The following EYA1 variants were observed in gnomAD, a reference collection of about 807,000 sequenced individuals.
EYA1 encodes protein phosphatase EYA1.
In EYA1, 16 loss-of-function variants were observed where a neutral mutation model predicts 82.0. The observed-to-expected ratio is 0.20, with a 90% confidence interval of 0.13 to 0.30. The LOEUF is 0.30. Ranked by LOEUF, EYA1 falls within the 10% of genes least tolerant of loss-of-function variation. The probability of loss-of-function intolerance (pLI) is 1.00; values close to 1 mark genes in which losing one functional copy is unlikely to be tolerated. For missense variants in EYA1, 633 were observed against 730.7 expected, an observed-to-expected ratio of 0.87 and a Z score of 1.54; for synonymous variants, 261 against 264.4, an observed-to-expected ratio of 0.99 and a Z score of 0.12.
chr8:71,537,789 T>C (rs1216350104), intron 1 of EYA1, among the ~76,000 whole-genome samples: 5 of 152,208 alleles, frequency 3.3e-5, no homozygotes, highest in Non-Finnish European at 7.3e-5. Flanking sequence ...TATTTCCATA[T>C]TGAACTTACT....
At chr8:71,525,184 C>T (rs966374405) in intron 2 of EYA1, among the ~76,000 whole-genome samples, 1 of 152,164 alleles carries the variant, frequency 6.6e-6, no homozygotes, top group Non-Finnish European at 1.5e-5. Flanking sequence ...AGCGTTCCAT[C>T]GCCTGACAAA....
chr8:71,415,428 T>C (rs761618634), intron 2 of EYA1, among the ~76,000 whole-genome samples: 2 of 152,136 alleles, frequency 1.3e-5, no homozygotes, highest in Non-Finnish European at 2.9e-5. Context: ...GTTCCCACTT[T>C]TAGGGATGAG....
chr8:71,499,248 T>C (rs1445392733), intron 2 of EYA1, among the ~76,000 whole-genome samples: 1 of 152,202 alleles, frequency 6.6e-6, no homozygotes, highest in Non-Finnish European at 1.5e-5. Flanking sequence ...GTTGGTCCTT[T>C]CTTTGTGATG....
rs1424378022 is a variant in EYA1 at position 71,334,163 on chromosome 8, GCT to G, written c.134_135del (p.Glu45AlafsTer6). ...MTPNGTEVKTEPMSSSETAST... is the reference protein window; with the variant it reads ...MTPNGTEVKTXPMSSSETAST... ...GAAGCTGTTTCACTGCTGCTCATTG[GCT>G]CTGTTTTAACTACAAAAATAAACAA... On this transcript the variant is annotated frameshift_variant, in exon 4 of 18. Transcript: ENST00000340726. LOFTEE classifies it high-confidence loss of function. 1 of 1,612,330 alleles carries G rather than the reference GCT, an allele frequency of 6.2e-7. No individual in the cohort carries two copies. Among genetic ancestry groups the G allele is most frequent in the African/African-American group, 1.3e-5 (1 of 74,838 alleles).
At chr8:71,322,066 C>T in intron 5 of EYA1, 133 bp downstream of exon 5, 1 of 1,091,130 alleles carries the variant, frequency 9.2e-7, no homozygotes, top group Non-Finnish European at 1.4e-6. Flanking sequence ...AAATTTGTAT[C>T]AATATGTTTA....
intron 6 of EYA1, 98 bp from the exon 7 acceptor site, chr8:71,317,787 TC>T (rs1405494576): frequency 1.3e-5 from 15 of 1,135,396 alleles, no homozygotes; most frequent in Non-Finnish European, 2.0e-5. Flanking sequence ...TACAAATGCT[TC>T]CCCAATCTTA....
At chr8:71,307,552 T>C (rs1820863686) in intron 7 of EYA1, among the ~76,000 whole-genome samples, 1 of 152,332 alleles carries the variant, frequency 6.6e-6, no homozygotes, top group African/African-American at 2.4e-5. Flanking sequence ...ATTTAAATTA[T>C]ATAAAGAAAG....
rs528139078 is a variant in EYA1, at chr8:71,372,879, A to T, written c.34-16368T>A. Among the ~76,000 whole-genome samples, 10 of 152,254 alleles carry T rather than the reference A, an allele frequency of 6.6e-5. No individual in the cohort carries two copies. In the East Asian group the frequency reaches 1.9e-3, roughly 29 times the overall value. ...CCACATTAACAGAATGACATTTCAAAAGCACTGATCACCTCAACAGGTGCA... is the reference window on the plus strand; with the variant it reads ...CCACATTAACAGAATGACATTTCAATAGCACTGATCACCTCAACAGGTGCA... On this transcript the variant is annotated intron_variant, in intron 2 of 18. Transcript: ENST00000643681.
chr8:71,545,242 C>T (rs1213909615), intron 1 of EYA1, among the ~76,000 whole-genome samples: 1 of 152,232 alleles, frequency 6.6e-6, no homozygotes, highest in African/African-American at 2.4e-5. Context: ...GCACCCTACA[C>T]ATAGTACATG....
intron 2 of EYA1, among the ~76,000 whole-genome samples, chr8:71,409,005 G>T (rs1417843367): frequency 4.1e-5 from 5 of 122,308 alleles, no homozygotes; most frequent in Admixed American, 8.4e-5. Flanking sequence ...TAAAAGAACA[G>T]AAATTATAAC....
intron 2 of EYA1, among the ~76,000 whole-genome samples, chr8:71,401,136 G>A (rs1422230710): frequency 1.3e-5 from 2 of 152,148 alleles, no homozygotes; most frequent in African/African-American, 2.4e-5. Flanking sequence ...GGCTTCTCAG[G>A]AGGGTGGTGG....
intron 2 of EYA1, among the ~76,000 whole-genome samples, chr8:71,447,855 T>C (rs1343862111): frequency 6.6e-6 from 1 of 152,188 alleles, no homozygotes; most frequent in African/African-American, 2.4e-5. Flanking sequence ...GCCCCAATGT[T>C]GATGGCTACT....
intron 7 of EYA1, among the ~76,000 whole-genome samples, chr8:71,315,436 T>C (rs2129020847): frequency 6.6e-6 from 1 of 152,310 alleles, no homozygotes; most frequent in Admixed American, 6.5e-5. Context: ...CTTGCCTCTT[T>C]CCCACTTTTA....
chr8:71,508,917 T>C (rs1013872478), intron 2 of EYA1, among the ~76,000 whole-genome samples: 1 of 152,184 alleles, frequency 6.6e-6, no homozygotes, highest in African/African-American at 2.4e-5. Flanking sequence ...TATATTTTTA[T>C]CATAAAAATA....
intron 2 of EYA1, among the ~76,000 whole-genome samples, chr8:71,382,172 G>C (rs1265526211): frequency 6.6e-6 from 1 of 151,984 alleles, no homozygotes; most frequent in Non-Finnish European, 1.5e-5. Flanking sequence ...TTTATAAAGG[G>C]ATCTTATAAT....
At chr8:71,227,758 T>C (rs1479630984) in intron 12 of EYA1, among the ~76,000 whole-genome samples, 1 of 152,246 alleles carries the variant, frequency 6.6e-6, no homozygotes, top group Non-Finnish European at 1.5e-5. Context: ...TACATGTCTA[T>C]AGATTCATCT....
intron 3 of EYA1, among the ~76,000 whole-genome samples, chr8:71,354,174 T>C (rs1826605909): frequency 6.6e-6 from 1 of 152,134 alleles, no homozygotes; most frequent in South Asian, 2.1e-4. Context: ...GAAATAATTG[T>C]AATTGTTCTA....
chr8:71,350,074 C>A (rs1255483234), intron 3 of EYA1, among the ~76,000 whole-genome samples: 2 of 152,138 alleles, frequency 1.3e-5, no homozygotes, highest in African/African-American at 4.8e-5. Flanking sequence ...CATTTAGAAA[C>A]TCCTTTATTC....
chr8:71,535,340 A>G (rs968908956), intron 2 of EYA1, among the ~76,000 whole-genome samples: 1 of 152,250 alleles, frequency 6.6e-6, no homozygotes, highest in Non-Finnish European at 1.5e-5. Context: ...TATTTTGAAG[A>G]CACATACACA....
Sources: gnomAD v4.1 joint callset for allele counts (sites outside exome capture counted in the v4.1 genomes callset) on GRCh38, gnomAD v4.1.1 for gene constraint, MANE v1.5 for transcripts, NCBI Gene and HGNC (gene_info 2026-07-23, HGNC 2026-07-21) for gene names.